Variants in PTCHD4 observed in about 807,000 individuals in gnomAD.
PTCHD4 encodes patched domain containing 4.
PTCHD4 carries 33 observed loss-of-function variants against 58.1 expected under a neutral mutation model. The observed-to-expected ratio is 0.57, with a 90% CI of 0.43 to 0.76. The LOEUF (loss-of-function observed/expected upper bound fraction) is 0.76. Ranked by LOEUF, PTCHD4 falls within the 30% of genes least tolerant of loss-of-function variation. The probability of loss-of-function intolerance (pLI) is 0.00; values close to 1 mark genes in which losing one functional copy is unlikely to be tolerated. For missense variants in PTCHD4, 1,058 were observed against 1,027.1 expected (o/e 1.03, Z -0.41); for synonymous variants, 478 against 409.6 (o/e 1.17, Z -2.02).
rs149780507 is a variant in PTCHD4, at chr6:47,866,297, T to G, written c.*12006A>C. Among the ~76,000 whole-genome samples, 1 of 151,878 alleles carries G rather than the reference T, an allele frequency of 6.6e-6. No individual in the cohort carries two copies. The highest frequency in any genetic ancestry group is 1.5e-5 in the Non-Finnish European group (1 of 67,868). On this transcript the variant is annotated 3_prime_UTR_variant, in exon 5 of 5. Coordinates refer to ENST00000339488, the MANE Select transcript of PTCHD4 (RefSeq NM_001384253.1). ...ATTGAGCCACACATTGAAATCACTA[T>G]GGGAACTCCCAGAAGTACTGAGGTT...
rs559827472 is a variant in PTCHD4, at chr6:48,097,118, A to G, written c.-970+13931T>C. Among the ~76,000 whole-genome samples the G allele has an allele frequency of 2.6e-3, 394 of 152,240 alleles. 1 individual carries two copies. The highest frequency in any genetic ancestry group is 4.5e-3 in the Non-Finnish European group (309 of 67,998). ...CATAGATCAAAAACTCTTTTCTTAG[A>G]AAACTATTGACTAAATTTAGCTTCC... On this transcript the variant is annotated intron_variant, in intron 1 of 4. Coordinates refer to ENST00000339488, the MANE Select transcript of PTCHD4 (RefSeq NM_001384253.1).
intron 4 of PTCHD4, among the ~76,000 whole-genome samples, chr6:47,881,218 C>A (rs1764013162): frequency 6.6e-6 from 1 of 152,192 alleles, no homozygotes; most frequent in African/African-American, 2.4e-5. Context: ...CTTAGTAGTG[C>A]TTTAACAAAG....
intron 4 of PTCHD4, among the ~76,000 whole-genome samples, chr6:47,983,579 C>T (rs918348911): frequency 6.6e-6 from 1 of 152,056 alleles, no homozygotes; most frequent in African/African-American, 2.4e-5. Flanking sequence ...TATAGTGCAA[C>T]CATATGACAA....
At chr6:47,892,200 T>A in intron 4 of PTCHD4, among the ~76,000 whole-genome samples, 1 of 152,006 alleles carries the variant, frequency 6.6e-6, no homozygotes, top group East Asian at 1.9e-4. Context: ...TAATCTGGAG[T>A]GGGGCTGAAA....
intron 4 of PTCHD4, among the ~76,000 whole-genome samples, chr6:47,986,267 A>G (rs924070827): frequency 1.3e-5 from 2 of 152,070 alleles, no homozygotes; most frequent in Non-Finnish European, 2.9e-5. Flanking sequence ...CTTATTTATG[A>G]CAATCATTCT....
At position 48,054,448 on chromosome 6, in the gene PTCHD4, T is replaced by C. The variant is rs1764340841; in HGVS notation, c.417+13782A>G. Reference sequence around the variant, plus strand: ...AAGTTTACATGAAAGTTTAAACTTATGGAAGCATAAATTTCATAAGTTTAA... The same window carrying C: ...AAGTTTACATGAAAGTTTAAACTTACGGAAGCATAAATTTCATAAGTTTAA... On this transcript the variant is annotated intron_variant, in intron 3 of 4. Coordinates refer to ENST00000339488, the MANE Select transcript of PTCHD4 (RefSeq NM_001384253.1). 2.0e-5 allele frequency among the ~76,000 whole-genome samples: 3 copies of C among 152,292 alleles called. No individual in the cohort carries two copies. In the South Asian group the frequency reaches 6.2e-4, roughly 32 times the overall value.
At chr6:47,941,245 T>C (rs1347423274) in intron 4 of PTCHD4, among the ~76,000 whole-genome samples, 1 of 152,190 alleles carries the variant, frequency 6.6e-6, no homozygotes, top group African/African-American at 2.4e-5. Context: ...ATACTTGTGT[T>C]CTTCCAGAAA....
chr6:48,037,410 T>G (rs1763679527), intron 3 of PTCHD4, among the ~76,000 whole-genome samples: 1 of 152,160 alleles, frequency 6.6e-6, no homozygotes, highest in African/African-American at 2.4e-5. Flanking sequence ...AAGCGGGAAC[T>G]ACTGTACTTA....
chr6:47,886,031 T>A (rs1042759563), intron 4 of PTCHD4, among the ~76,000 whole-genome samples: 38 of 152,136 alleles, frequency 2.5e-4, no homozygotes, highest in African/African-American at 9.2e-4. Flanking sequence ...TTGGCCAGGC[T>A]GGTCTCAAAC....
At chr6:48,055,410 A>AT (rs1764376096) in intron 3 of PTCHD4, among the ~76,000 whole-genome samples, 1 of 152,156 alleles carries the variant, frequency 6.6e-6, no homozygotes, top group South Asian at 2.1e-4. Context: ...TTACCAAAAT[A>AT]TTTTTCAATC....
At chr6:47,975,447 G>A (rs575924651) in intron 4 of PTCHD4, among the ~76,000 whole-genome samples, 18 of 150,842 alleles carry the variant, frequency 1.2e-4, no homozygotes, top group African/African-American at 4.4e-4. Flanking sequence ...TGTGTAGAAC[G>A]TGCAGGTCTG....
At chr6:48,103,195 A>G (rs929036858) in intron 1 of PTCHD4, among the ~76,000 whole-genome samples, 2 of 152,134 alleles carry the variant, frequency 1.3e-5, no homozygotes, top group Admixed American at 6.5e-5. Flanking sequence ...TAACTGGGAG[A>G]CACCCCCCAG....
rs146050780 is a variant in PTCHD4 at position 47,866,170 on chromosome 6, C to T, written c.*12133G>A. On this transcript the variant is annotated 3_prime_UTR_variant, in exon 5 of 5. Transcript: ENST00000339488. ...ATTCTAGTTATAGATGTCACAGACG[C>T]TTTTGTCTTGTGACTTTTTAAAACT... Among the ~76,000 whole-genome samples, 481 of 151,986 alleles carry T rather than the reference C, an allele frequency of 3.2e-3. 6 individuals are homozygous for T. The highest frequency in any genetic ancestry group is 0.011 in the African/African-American group (455 of 41,514).
At chr6:48,065,686 G>A (rs569169461) in intron 3 of PTCHD4, among the ~76,000 whole-genome samples, 1 of 152,240 alleles carries the variant, frequency 6.6e-6, no homozygotes, top group South Asian at 2.1e-4. Context: ...ATTATGTATT[G>A]CATGAGATTG....
At chr6:47,950,789 TAGAG>T (rs949923715) in intron 4 of PTCHD4, among the ~76,000 whole-genome samples, 1 of 151,944 alleles carries the variant, frequency 6.6e-6, no homozygotes, top group Non-Finnish European at 1.5e-5. Flanking sequence ...AGTCAATAGA[TAGAG>T]AAAGGATTGG....
In PTCHD4 at chr6:48,018,074, G is replaced by A. The variant is rs115642260; in HGVS notation, c.418-8960C>T. On this transcript the variant is annotated intron_variant, in intron 3 of 4. Transcript: ENST00000339488. ...TTGGCTATTATTTCTATTAACATAC[G>A]TTATAAATAAAATGCTTGAATGATA... Among the ~76,000 whole-genome samples, 843 of 152,252 alleles carry A rather than the reference G, an allele frequency of 5.5e-3. 8 individuals are homozygous for A. The highest frequency in any genetic ancestry group is 0.019 in the African/African-American group (781 of 41,530).
chr6:47,885,197 G>A (rs79945353), intron 4 of PTCHD4, among the ~76,000 whole-genome samples: 4 of 152,074 alleles, frequency 2.6e-5, no homozygotes, highest in Non-Finnish European at 4.4e-5. Flanking sequence ...GAGTTCTTAA[G>A]GGTAAAAAAG....
In PTCHD4 at chr6:47,879,746, G is replaced by A. The variant is rs1400117112; in HGVS notation, c.1089C>T (p.Val363=). Residue 363 remains valine (V), a synonymous_variant, in exon 5 of 5, where the codon GTC becomes GTT. Coordinates refer to ENST00000339488, the MANE Select transcript of PTCHD4 (RefSeq NM_001384253.1). ...TAGAGACACACATGTTTTGACAGAAGACCTTCACAGCCTCTATGTTTGTGA... is the reference window on the plus strand; with the variant it reads ...TAGAGACACACATGTTTTGACAGAAAACCTTCACAGCCTCTATGTTTGTGA... The part of the protein sequence containing the change: ...SPFTNIEAVK[V]FCQNMCVSIL... The A allele has an allele frequency of 6.2e-7, 1 of 1,613,648 alleles. No individual in the cohort carries two copies. The highest frequency in any genetic ancestry group is 1.7e-5 in the Admixed American group (1 of 59,932).
chr6:47,869,833 G>T lies in PTCHD4; in HGVS notation c.*8470C>A, dbSNP rs1763669386. On this transcript the variant is annotated 3_prime_UTR_variant, in exon 5 of 5. Coordinates refer to ENST00000339488, the MANE Select transcript of PTCHD4 (RefSeq NM_001384253.1). ...TGTTATAAGATGTTTTGTTTAGGAA[G>T]TTTAATTCTTAGCCTAGAATTAAAA... Among the ~76,000 whole-genome samples the T allele has an allele frequency of 2.0e-5, 3 of 151,672 alleles. No individual in the cohort carries two copies. Among genetic ancestry groups the T allele is most frequent in the Admixed American group, 2.0e-4 (3 of 15,186 alleles).
Sources: allele counts gnomAD v4.1 joint callset (sites outside exome capture counted in the v4.1 genomes callset), GRCh38; gene constraint gnomAD v4.1.1; transcripts MANE v1.5; gene names NCBI Gene and HGNC (gene_info 2026-07-23, HGNC 2026-07-21).